The following LAMA2 variants were observed in gnomAD, a reference collection of about 807,000 sequenced individuals.
The protein encoded by LAMA2 is laminin subunit alpha 2.
In LAMA2, 269 loss-of-function variants were observed where a neutral mutation model predicts 364.8. The observed-to-expected ratio is 0.74, with a 90% CI of 0.67 to 0.82. The LOEUF (loss-of-function observed/expected upper bound fraction) is 0.82, where lower values mean the gene tolerates loss of function less well. LAMA2 is among the 40% of genes least tolerant of loss of function. LAMA2 has a pLI of 0.00. For missense variants in LAMA2, 3,807 were observed against 3,873.2 expected, an observed-to-expected ratio of 0.98 and a Z score of 0.45; for synonymous variants, 1,379 against 1,370.6, an observed-to-expected ratio of 1.01 and a Z score of -0.14.
chr6:129,480,199 CAG>C (rs762275961), intron 54 of LAMA2, among the ~76,000 whole-genome samples: 34 of 152,240 alleles, frequency 2.2e-4, no homozygotes, highest in Non-Finnish European at 3.1e-4. Context: ...GAATAGAAAA[CAG>C]ATTATACATT....
intron 3 of LAMA2, among the ~76,000 whole-genome samples, chr6:129,081,160 G>C (rs544467396): frequency 1.3e-5 from 2 of 151,760 alleles, no homozygotes; most frequent in South Asian, 2.1e-4. Context: ...ACCAAACACC[G>C]CATGTTCTCA....
chr6:129,342,423 T>A lies in LAMA2; in HGVS notation c.4392T>A (p.Asn1464Lys), dbSNP rs1358554120. The A allele has an allele frequency of 6.2e-7, 1 of 1,613,576 alleles. No individual in the cohort carries two copies. Among genetic ancestry groups the A allele is most frequent in the South Asian group, 1.1e-5 (1 of 91,078 alleles). ...ATGGAATTGTCAAGGGATTGCCAAATGACTGTCAGCAATGTGCCTGCCCTC... is the reference window on the plus strand; with the variant it reads ...ATGGAATTGTCAAGGGATTGCCAAAAGACTGTCAGCAATGTGCCTGCCCTC... ...GYYGIVKGLP[N>K]DCQQCACPLI... Residue 1464 changes from asparagine to lysine, a missense_variant, in exon 30 of 65, where the codon AAT becomes AAA. Physicochemically the swap from Asn to Lys is moderately conservative, Grantham distance 94. Around this residue, in one of 3 missense-constraint regions of LAMA2, gnomAD observed 3,333 missense variants for 3,345.7 expected, o/e 1.00. Transcript: ENST00000421865.
In LAMA2 at chr6:129,486,497, C is replaced by T. The variant is rs1347352477; in HGVS notation, c.7773C>T (p.Asn2591=). Residue 2591 remains asparagine, a synonymous_variant, in exon 56 of 65, where the codon AAC becomes AAT. Transcript: ENST00000421865. ...TGQAYYAILL[N]RGRLEVHLST... Reference sequence around the variant, plus strand: ...AGGCCTATTATGCAATACTCCTCAACAGGGGCCGTCTGGAAGTGCATCTCT... The same window carrying T: ...AGGCCTATTATGCAATACTCCTCAATAGGGGCCGTCTGGAAGTGCATCTCT... 2.5e-6 allele frequency: 4 copies of T among 1,613,772 alleles called. No individual in the cohort carries two copies. Among genetic ancestry groups the T allele is most frequent in the Non-Finnish European group, 3.4e-6 (4 of 1,179,784 alleles).
At chr6:129,310,648 A>C (rs1044576262) in intron 22 of LAMA2, among the ~76,000 whole-genome samples, 1 of 152,066 alleles carries the variant, frequency 6.6e-6, no homozygotes, top group Non-Finnish European at 1.5e-5. Context: ...AACTGGTAAA[A>C]GGTGGTTGGT....
intron 1 of LAMA2, among the ~76,000 whole-genome samples, chr6:128,895,571 C>A (rs1055874553): frequency 1.3e-5 from 2 of 151,732 alleles, no homozygotes; most frequent in African/African-American, 4.8e-5. Context: ...TGGCGTGAAT[C>A]CGGGAGGAGG....
At chr6:129,275,579 TA>T (rs1788253878) in intron 17 of LAMA2, among the ~76,000 whole-genome samples, 3 of 152,036 alleles carry the variant, frequency 2.0e-5, no homozygotes. Flanking sequence ...TTATGTTAAT[TA>T]TGCTACATAG....
chr6:129,345,665 C>A (rs1042967401), intron 30 of LAMA2, among the ~76,000 whole-genome samples: 3 of 151,924 alleles, frequency 2.0e-5, no homozygotes, highest in Non-Finnish European at 2.9e-5. Flanking sequence ...TATCATAAGC[C>A]AGAAACACAC....
chr6:129,155,900 A>T (rs1418877694), intron 8 of LAMA2, among the ~76,000 whole-genome samples: 1 of 152,016 alleles, frequency 6.6e-6, no homozygotes. Context: ...AATTACAGAA[A>T]ATATTAGGAT....
intron 2 of LAMA2, among the ~76,000 whole-genome samples, chr6:129,055,178 T>TATTATTATTC (rs1321335969): frequency 5.0e-5 from 6 of 120,856 alleles, no homozygotes; most frequent in Non-Finnish European, 1.0e-4. Context: ...TATTATTATT[T>TATTATTATTC]ATTATTATTA....
intron 34 of LAMA2, among the ~76,000 whole-genome samples, chr6:129,373,162 T>A (rs1778183503): frequency 6.6e-6 from 1 of 152,150 alleles, no homozygotes; most frequent in South Asian, 2.1e-4. Context: ...ATCAATTAGG[T>A]TTCTCCTTGT....
intron 3 of LAMA2, among the ~76,000 whole-genome samples, chr6:129,090,431 T>G (rs1031037735): frequency 6.6e-6 from 1 of 152,238 alleles, no homozygotes; most frequent in Admixed American, 6.5e-5. Flanking sequence ...AACAAATATT[T>G]ACTCAGTATT....
At chr6:129,201,022 T>C (rs968139386) in intron 12 of LAMA2, among the ~76,000 whole-genome samples, 1 of 152,178 alleles carries the variant, frequency 6.6e-6, no homozygotes, top group Non-Finnish European at 1.5e-5. Context: ...CATAATTGAA[T>C]AATAGTATCT....
intron 14 of LAMA2, among the ~76,000 whole-genome samples, chr6:129,254,069 A>T (rs1356927209): frequency 6.6e-6 from 1 of 152,240 alleles, no homozygotes; most frequent in Non-Finnish European, 1.5e-5. Flanking sequence ...ATTGAGTCAT[A>T]TTTGTAAAAC....
intron 58 of LAMA2, among the ~76,000 whole-genome samples, chr6:129,497,726 G>GACA (rs1785300623): frequency 6.6e-6 from 1 of 152,148 alleles, no homozygotes; most frequent in Non-Finnish European, 1.5e-5. Flanking sequence ...ACAGCATGAG[G>GACA]ACAACATTCA....
intron 20 of LAMA2, among the ~76,000 whole-genome samples, chr6:129,295,199 AGTG>A (rs1202169105): frequency 6.6e-6 from 1 of 152,202 alleles, no homozygotes; most frequent in Non-Finnish European, 1.5e-5. Flanking sequence ...TCAATAAAAA[AGTG>A]GTGAGAATGA....
intron 2 of LAMA2, among the ~76,000 whole-genome samples, chr6:129,058,446 TC>T (rs67521657): frequency 0.26 from 39,802 of 152,060 alleles, 5,352 homozygotes; most frequent in African/African-American, 0.31. Context: ...CTTTTGATTT[TC>T]ACAATTGGTC....
chr6:129,128,608 TA>T (rs1476901959), intron 4 of LAMA2, among the ~76,000 whole-genome samples: 28 of 152,328 alleles, frequency 1.8e-4, no homozygotes, highest in African/African-American at 5.5e-4. Flanking sequence ...TTAACAATAT[TA>T]AATTCTTCCA....
intron 28 of LAMA2, among the ~76,000 whole-genome samples, chr6:129,325,045 T>C (rs992764691): frequency 6.6e-6 from 1 of 152,200 alleles, no homozygotes; most frequent in Admixed American, 6.5e-5. Flanking sequence ...TTTTTATTAC[T>C]AAACTCTGAA....
At chr6:129,445,886 T>C (rs1782345632) in intron 45 of LAMA2, 65 bp downstream of exon 45, 4 of 1,453,482 alleles carry the variant, frequency 2.8e-6, no homozygotes, top group South Asian at 1.2e-5. Flanking sequence ...ATAGAGGGAA[T>C]GTCTTTCCCC....
Sources: gnomAD v4.1 joint callset for allele counts (sites outside exome capture counted in the v4.1 genomes callset) on GRCh38, gnomAD v4.1.1 for gene constraint, gnomAD v4.1.1 regional missense constraint, MANE v1.5 for transcripts, NCBI Gene and HGNC (gene_info 2026-07-23, HGNC 2026-07-21) for gene names.